Variants in PREP observed in about 807,000 individuals in gnomAD.
The protein encoded by PREP is prolyl endopeptidase.
PREP carries 29 observed loss-of-function variants against 87.6 expected under a neutral mutation model. The observed-to-expected ratio is 0.33, with a 90% CI of 0.25 to 0.45. PREP has a LOEUF of 0.45. Among genes scored for constraint, PREP ranks in the 20% least tolerant of loss-of-function variants. The pLI is 1.00. For synonymous variants in PREP, 337 were observed against 328.6 expected (o/e 1.03, Z -0.28); for missense variants, 695 against 886.5 (o/e 0.78, Z 2.74).
intron 6 of PREP, among the ~76,000 whole-genome samples, chr6:105,367,161 T>C (rs1224549636): frequency 6.6e-6 from 1 of 152,208 alleles, no homozygotes; most frequent in Admixed American, 6.5e-5. Context: ...TTATATATCA[T>C]ATAATATTTT....
chr6:105,368,843 T>C, intron 6 of PREP, 60 bp downstream of exon 6: 1 of 1,593,324 alleles, frequency 6.3e-7, no homozygotes, highest in South Asian at 1.1e-5. Flanking sequence ...AATAAGAATA[T>C]TTATACACAC....
At chr6:105,401,670 TAAGC>T (rs1342972078) in intron 1 of PREP, among the ~76,000 whole-genome samples, 6 of 152,148 alleles carry the variant, frequency 3.9e-5, no homozygotes, top group Non-Finnish European at 8.8e-5. Context: ...GTAAATTTAA[TAAGC>T]AAGCAGCTGA....
At chr6:105,281,556 T>C in intron 14 of PREP, 190 bp downstream of exon 14, 1 of 639,858 alleles carries the variant, frequency 1.6e-6, no homozygotes, top group Non-Finnish European at 2.4e-6. Flanking sequence ...ACATTTTTTG[T>C]AGTTTGTTGC....
At chr6:105,357,050 A>C (rs1374525931) in intron 6 of PREP, among the ~76,000 whole-genome samples, 1 of 151,986 alleles carries the variant, frequency 6.6e-6, no homozygotes, top group East Asian at 1.9e-4. Context: ...GGAATTATAC[A>C]TTCTATTATC....
At chr6:105,355,317 C>G (rs1772068140) in intron 6 of PREP, among the ~76,000 whole-genome samples, 1 of 152,108 alleles carries the variant, frequency 6.6e-6, no homozygotes, top group Non-Finnish European at 1.5e-5. Flanking sequence ...AACTTCTGAC[C>G]TCAAGGTGAT....
In PREP at chr6:105,274,230, T is replaced by C. The variant is rs952399656; in HGVS notation, c.*3914A>G. Among the ~76,000 whole-genome samples, 2 of 151,694 alleles carry C rather than the reference T, an allele frequency of 1.3e-5. No individual in the cohort carries two copies. The highest frequency in any genetic ancestry group is 2.9e-5 in the Non-Finnish European group (2 of 67,960). ...AGGCACTGGCAGATTTGGTGTCTAA[T>C]GAGGGTTGCTTCCTGGTTCATAGGT... On this transcript the variant is annotated 3_prime_UTR_variant, in exon 15 of 15. Transcript: ENST00000652536.
chr6:105,360,835 G>T (rs960730198), intron 6 of PREP, among the ~76,000 whole-genome samples: 9 of 152,152 alleles, frequency 5.9e-5, no homozygotes, highest in Admixed American at 6.5e-5. Flanking sequence ...GCCTCACCTA[G>T]GTGTGATGTG....
At chr6:105,308,246 G>GA (rs966755644) in intron 10 of PREP, among the ~76,000 whole-genome samples, 26 of 150,512 alleles carry the variant, frequency 1.7e-4, no homozygotes, top group South Asian at 1.3e-3. Flanking sequence ...TCCAGAGGCT[G>GA]AAAAAAAAAT....
At chr6:105,358,131 T>A (rs1772151202) in intron 6 of PREP, among the ~76,000 whole-genome samples, 1 of 151,904 alleles carries the variant, frequency 6.6e-6, no homozygotes, top group African/African-American at 2.4e-5. Flanking sequence ...TTTAAACAAA[T>A]TTTCCTTAAG....
At chr6:105,359,787 C>T (rs1772197545) in intron 6 of PREP, among the ~76,000 whole-genome samples, 1 of 152,154 alleles carries the variant, frequency 6.6e-6, no homozygotes, top group African/African-American at 2.4e-5. Context: ...GACCCCTCTC[C>T]CTCCTGTTAG....
intron 2 of PREP, among the ~76,000 whole-genome samples, chr6:105,391,714 C>A (rs997264632): frequency 6.6e-6 from 1 of 152,186 alleles, no homozygotes; most frequent in Non-Finnish European, 1.5e-5. Context: ...AAAGTAAGAT[C>A]TGAACAGGGC....
At chr6:105,384,026 AG>A (rs1772919903) in intron 2 of PREP, among the ~76,000 whole-genome samples, 2 of 152,214 alleles carry the variant, frequency 1.3e-5, no homozygotes, top group African/African-American at 4.8e-5. Context: ...AAGAAAAACA[AG>A]ACTATCACAC....
At chr6:105,388,218 A>G (rs1053280877) in intron 2 of PREP, among the ~76,000 whole-genome samples, 1 of 152,140 alleles carries the variant, frequency 6.6e-6, no homozygotes, top group African/African-American at 2.4e-5. Context: ...GCGAGCACAC[A>G]CCCACAGCTT....
At chr6:105,374,254 T>C (rs981207905) in intron 4 of PREP, among the ~76,000 whole-genome samples, 1 of 152,208 alleles carries the variant, frequency 6.6e-6, no homozygotes, top group Non-Finnish European at 1.5e-5. Flanking sequence ...CCTGGCAGAA[T>C]GTTCTAATCA....
intron 10 of PREP, among the ~76,000 whole-genome samples, chr6:105,301,244 T>G (rs1440540217): frequency 6.6e-6 from 1 of 152,242 alleles, no homozygotes; most frequent in African/African-American, 2.4e-5. Flanking sequence ...AAGGAGAATG[T>G]TCATAAAAGG....
At chr6:105,279,264 A>C (rs1770018962) in intron 14 of PREP, among the ~76,000 whole-genome samples, 1 of 152,188 alleles carries the variant, frequency 6.6e-6, no homozygotes, top group Non-Finnish European at 1.5e-5. Context: ...TTTGAAGGGT[A>C]GGTAAATAGT....
chr6:105,353,195 A>G, intron 6 of PREP, 118 bp from the exon 7 acceptor site: 2 of 712,084 alleles, frequency 2.8e-6, no homozygotes, highest in Non-Finnish European at 4.6e-6. Context: ...CTCTGCCCCA[A>G]ACTCATGATC....
intron 12 of PREP, 42 bp from the exon 13 acceptor site, chr6:105,282,624 TA>T (rs1163028779): frequency 1.3e-6 from 2 of 1,596,370 alleles, no homozygotes; most frequent in Non-Finnish European, 1.7e-6. Flanking sequence ...TAACAAAACA[TA>T]AAAATAAGTT....
chr6:105,273,685 C>T lies in PREP; in HGVS notation c.*4459G>A, dbSNP rs1769872451. On this transcript the variant is annotated 3_prime_UTR_variant, in exon 15 of 15. Coordinates refer to ENST00000652536, the MANE Select transcript of PREP (RefSeq NM_002726.5). ...CCACCCCGCTTTTCCCTAGGCTCTC[C>T]TGCTGTCAGTTTCCCACAGTGTTGT... 1.3e-5 allele frequency: 2 copies of T among 152,356 alleles called. No individual in the cohort carries two copies. Among genetic ancestry groups the T allele is most frequent in the South Asian group, 4.1e-4 (2 of 4,830 alleles). The allele number at this position is 152,356 out of a possible 1,614,324, so 9.4% of individuals were successfully genotyped here.
Sources: gnomAD v4.1 joint callset for allele counts (sites outside exome capture counted in the v4.1 genomes callset) on GRCh38, gnomAD v4.1.1 for gene constraint, MANE v1.5 for transcripts, NCBI Gene and HGNC (gene_info 2026-07-23, HGNC 2026-07-21) for gene names.